The following HS6ST3 variants were observed in gnomAD, a reference collection of about 807,000 sequenced individuals.
HS6ST3 encodes the protein heparan sulfate 6-O-sulfotransferase 3, also known as heparan-sulfate 6-O-sulfotransferase 3.
In HS6ST3, 12 loss-of-function variants were observed where a neutral mutation model predicts 36.7. The observed-to-expected ratio is 0.33, with a 90% CI of 0.21 to 0.53. The LOEUF is 0.53. Ranked by LOEUF, HS6ST3 falls within the 20% of genes least tolerant of loss-of-function variation. The pLI is 0.95. For missense variants in HS6ST3, 584 were observed against 640.9 expected (o/e 0.91, Z 0.96); for synonymous variants, 240 against 257.5 (o/e 0.93, Z 0.65).
chr13:96,208,992 A>G (rs1000764037), intron 1 of HS6ST3, among the ~76,000 whole-genome samples: 1 of 152,196 alleles, frequency 6.6e-6, no homozygotes, highest in African/African-American at 2.4e-5. Context: ...GAGCCCATTA[A>G]CTGCATGAGT....
intron 1 of HS6ST3, among the ~76,000 whole-genome samples, chr13:96,175,757 G>A (rs1392231906): frequency 6.7e-6 from 1 of 149,548 alleles, no homozygotes; most frequent in Non-Finnish European, 1.5e-5. Flanking sequence ...TCTTCAAAGC[G>A]GTTTATTCTT....
At chr13:96,161,075 C>T (rs2054133506) in intron 1 of HS6ST3, among the ~76,000 whole-genome samples, 1 of 152,054 alleles carries the variant, frequency 6.6e-6, no homozygotes, top group Non-Finnish European at 1.5e-5. Flanking sequence ...TAGGCATTGG[C>T]GCAAGGTTCA....
intron 1 of HS6ST3, among the ~76,000 whole-genome samples, chr13:96,507,627 G>T (rs2056031790): frequency 6.6e-6 from 1 of 151,962 alleles, no homozygotes; most frequent in Non-Finnish European, 1.5e-5. Context: ...TCCAGTCACT[G>T]CTACCATGTC....
intron 1 of HS6ST3, among the ~76,000 whole-genome samples, chr13:96,815,549 G>A (rs1017257443): frequency 1.3e-5 from 2 of 152,068 alleles, no homozygotes; most frequent in East Asian, 3.9e-4. Context: ...CAGTTGGGCT[G>A]GTCAGTACTT....
intron 1 of HS6ST3, among the ~76,000 whole-genome samples, chr13:96,441,278 T>C (rs758050040): frequency 6.6e-6 from 1 of 151,904 alleles, no homozygotes; most frequent in African/African-American, 2.4e-5. Context: ...CTTGAAAAAA[T>C]TTGAATATAC....
chr13:96,229,766 C>T (rs2054498914), intron 1 of HS6ST3, among the ~76,000 whole-genome samples: 1 of 152,146 alleles, frequency 6.6e-6, no homozygotes, highest in South Asian at 2.1e-4. Context: ...AAGGGGTTCA[C>T]TATCTCAGGG....
chr13:96,687,295 G>A (rs1874809920), intron 1 of HS6ST3, among the ~76,000 whole-genome samples: 1 of 151,874 alleles, frequency 6.6e-6, no homozygotes, highest in Non-Finnish European at 1.5e-5. Flanking sequence ...TTTTTGTGGT[G>A]GAAACTTCTG....
intron 1 of HS6ST3, among the ~76,000 whole-genome samples, chr13:96,349,450 G>A (rs925614250): frequency 6.6e-6 from 1 of 152,054 alleles, no homozygotes; most frequent in African/African-American, 2.4e-5. Flanking sequence ...CTCTCCAAAA[G>A]TGCTGCGTCA....
chr13:96,411,747 C>T (rs534323070), intron 1 of HS6ST3, among the ~76,000 whole-genome samples: 8 of 152,138 alleles, frequency 5.3e-5, no homozygotes, highest in South Asian at 4.2e-4. Flanking sequence ...ATAGTAAAGA[C>T]GTGAACAAAG....
intron 1 of HS6ST3, among the ~76,000 whole-genome samples, chr13:96,669,277 G>A (rs1469753813): frequency 6.6e-6 from 1 of 152,158 alleles, no homozygotes; most frequent in Admixed American, 6.5e-5. Flanking sequence ...GCACTGTGTT[G>A]CCAGAGAGTG....
chr13:96,124,708 A>G (rs1298870771), intron 1 of HS6ST3, among the ~76,000 whole-genome samples: 1 of 152,228 alleles, frequency 6.6e-6, no homozygotes, highest in Non-Finnish European at 1.5e-5. Context: ...AGTCATCCAC[A>G]TTAAGACCTG....
chr13:96,778,534 A>G (rs1488578872), intron 1 of HS6ST3, among the ~76,000 whole-genome samples: 1 of 152,256 alleles, frequency 6.6e-6, no homozygotes, highest in African/African-American at 2.4e-5. Context: ...ACTTCTCAAA[A>G]GAAGACATTT....
intron 1 of HS6ST3, among the ~76,000 whole-genome samples, chr13:96,405,505 A>G (rs370703948): frequency 9.8e-5 from 15 of 152,354 alleles, no homozygotes; most frequent in African/African-American, 2.9e-4. Flanking sequence ...TCTCATAGGT[A>G]CACAAGGAAT....
intron 1 of HS6ST3, among the ~76,000 whole-genome samples, chr13:96,215,837 A>G (rs1171684368): frequency 6.6e-6 from 1 of 152,152 alleles, no homozygotes; most frequent in Non-Finnish European, 1.5e-5. Flanking sequence ...GCCCTTTCTA[A>G]TGCTGCATTT....
intron 1 of HS6ST3, among the ~76,000 whole-genome samples, chr13:96,801,684 C>T (rs566865856): frequency 3.3e-5 from 5 of 152,142 alleles, no homozygotes; most frequent in East Asian, 1.9e-4. Flanking sequence ...AGACAGTCCA[C>T]GACAGAGTCA....
chr13:96,595,209 C>T (rs1375402322), intron 1 of HS6ST3, among the ~76,000 whole-genome samples: 2 of 152,002 alleles, frequency 1.3e-5, no homozygotes, highest in African/African-American at 4.8e-5. Flanking sequence ...CCGTGCCTGG[C>T]TAATTTTTCA....
chr13:96,602,870 G>C (rs1363626691), intron 1 of HS6ST3, among the ~76,000 whole-genome samples: 1 of 152,090 alleles, frequency 6.6e-6, no homozygotes, highest in Non-Finnish European at 1.5e-5. Flanking sequence ...TTCTTCAAGT[G>C]GACAGTTACC....
intron 1 of HS6ST3, among the ~76,000 whole-genome samples, chr13:96,320,364 C>T (rs959141268): frequency 5.9e-5 from 9 of 152,204 alleles, no homozygotes; most frequent in Non-Finnish European, 1.2e-4. Flanking sequence ...ACTGAACCTT[C>T]ACAGTGCCTT....
intron 1 of HS6ST3, among the ~76,000 whole-genome samples, chr13:96,415,925 A>T (rs1353359083): frequency 6.6e-6 from 1 of 152,248 alleles, no homozygotes; most frequent in Non-Finnish European, 1.5e-5. Flanking sequence ...TTGGTAAGTT[A>T]GTTGACTATT....
Sources: gnomAD v4.1 joint callset for allele counts (sites outside exome capture counted in the v4.1 genomes callset) on GRCh38, gnomAD v4.1.1 for gene constraint, MANE v1.5 for transcripts, NCBI Gene and HGNC (gene_info 2026-07-23, HGNC 2026-07-21) for gene names.